CRYBG1: variants seen among roughly 807,000 people sequenced by gnomAD.
CRYBG1 encodes the protein crystallin beta-gamma domain containing 1.
Under a neutral mutation model 189.2 loss-of-function variants are expected in CRYBG1, and 139 were observed. That is an observed-to-expected ratio of 0.73 (90% CI 0.64 to 0.85). The LOEUF is 0.85. Among genes scored for constraint, CRYBG1 ranks in the 40% least tolerant of loss-of-function variants. The pLI, the probability that CRYBG1 is intolerant of heterozygous loss-of-function variation, is 0.00. For missense variants in CRYBG1, 2,611 were observed against 2,675.8 expected, an observed-to-expected ratio of 0.98 and a Z score of 0.53; for synonymous variants, 1,023 against 1,017.1, an observed-to-expected ratio of 1.01 and a Z score of -0.11.
chr6:106,431,988 T>G (rs1771333966), intron 1 of CRYBG1, among the ~76,000 whole-genome samples: 1 of 152,160 alleles, frequency 6.6e-6, no homozygotes, highest in Admixed American at 6.5e-5. Context: ...AGATTATAAG[T>G]GCTTGTGGGT....
At chr6:106,498,191 T>TA (rs534309422) in intron 2 of CRYBG1, among the ~76,000 whole-genome samples, 232 of 151,834 alleles carry the variant, frequency 1.5e-3, no homozygotes, top group Admixed American at 6.6e-3. Flanking sequence ...TCAATGCCAT[T>TA]AGAAACCAAA....
At chr6:106,492,742 AC>A (rs1772753695) in intron 2 of CRYBG1, among the ~76,000 whole-genome samples, 1 of 152,168 alleles carries the variant, frequency 6.6e-6, no homozygotes, top group South Asian at 2.1e-4. Flanking sequence ...TATTGTCTTC[AC>A]ATATCCATCC....
intron 2 of CRYBG1, among the ~76,000 whole-genome samples, chr6:106,455,307 TAA>T (rs1312696792): frequency 6.6e-6 from 1 of 152,116 alleles, no homozygotes; most frequent in Admixed American, 6.5e-5. Flanking sequence ...TCTTTGCATA[TAA>T]GAGTGAATTA....
At chr6:106,536,753 G>C (rs868052186) in intron 8 of CRYBG1, among the ~76,000 whole-genome samples, 1 of 152,226 alleles carries the variant, frequency 6.6e-6, no homozygotes, top group South Asian at 2.1e-4. Flanking sequence ...TGTTAAGTAC[G>C]ACAATAAAGT....
In CRYBG1 at chr6:106,513,036, C is replaced by T. The variant is rs779714593; in HGVS notation, c.1919C>T (p.Thr640Ile). 3.1e-6 allele frequency: 5 copies of T among 1,600,532 alleles called. No homozygotes were observed. The Admixed American group carries it at 6.7e-5, about 21-fold the overall frequency. Residue 640 changes from threonine (T) to isoleucine (I), a missense_variant, in exon 3 of 22, where the codon ACC becomes ATC. By Grantham distance (89) the Thr-to-Ile change is moderately conservative. Coordinates refer to ENST00000633556, the MANE Select transcript of CRYBG1 (RefSeq NM_001371242.2). ...AGGTCGACAGTGACCACTAAAGTGA[C>T]CCTGTAAGTAGCCGCGCAAGTCCCG... ...VGRSTVTTKV[T>I]LPAKPKHVEL...
intron 9 of CRYBG1, chr6:106,541,210 A>T (rs1483804384): frequency 2.1e-6 from 1 of 480,902 alleles, no homozygotes; most frequent in Admixed American, 2.3e-5. Flanking sequence ...TGAGGGCAGG[A>T]TCGTTAAATG....
intron 2 of CRYBG1, among the ~76,000 whole-genome samples, chr6:106,469,214 CCTCACAGAACT>C (rs1772174463): frequency 6.6e-6 from 1 of 152,218 alleles, no homozygotes; most frequent in South Asian, 2.1e-4. Flanking sequence ...TTGCCCCTGT[CCTCACAGAACT>C]GATTCCTTCT....
intron 21 of CRYBG1, among the ~76,000 whole-genome samples, chr6:106,564,359 G>C: frequency 6.6e-6 from 1 of 152,216 alleles, no homozygotes; most frequent in African/African-American, 2.4e-5. Context: ...CGGTAGAGTT[G>C]ATGATTCTCA....
chr6:106,374,219 G>T (rs1770102456), intron 1 of CRYBG1, among the ~76,000 whole-genome samples: 1 of 152,004 alleles, frequency 6.6e-6, no homozygotes, highest in Non-Finnish European at 1.5e-5. Context: ...ATGATAAAAA[G>T]TTGCTACACT....
At chr6:106,524,197 T>C (rs1213181806) in intron 4 of CRYBG1, among the ~76,000 whole-genome samples, 1 of 152,240 alleles carries the variant, frequency 6.6e-6, no homozygotes, top group East Asian at 1.9e-4. Flanking sequence ...TTTCTGGTTT[T>C]ACTGGTCTTG....
chr6:106,385,058 T>C (rs76901191), intron 1 of CRYBG1, among the ~76,000 whole-genome samples: 18,069 of 152,016 alleles, frequency 0.12, 1,190 homozygotes, highest in African/African-American at 0.16. Flanking sequence ...ATTGAGCAGG[T>C]TGAATATGTC....
intron 1 of CRYBG1, among the ~76,000 whole-genome samples, chr6:106,449,652 C>T (rs78169229): frequency 0.013 from 1,996 of 152,306 alleles, 25 homozygotes; most frequent in South Asian, 0.042. Flanking sequence ...GACAGCATTT[C>T]AACTTTAAGG....
At chr6:106,411,760 G>C (rs1260390901) in intron 1 of CRYBG1, among the ~76,000 whole-genome samples, 1 of 152,138 alleles carries the variant, frequency 6.6e-6, no homozygotes, top group Non-Finnish European at 1.5e-5. Flanking sequence ...CAAGAGTGCA[G>C]CCTTCAGTCT....
chr6:106,567,935 G>T (rs552486074), intron 21 of CRYBG1, among the ~76,000 whole-genome samples: 1 of 152,240 alleles, frequency 6.6e-6, no homozygotes, highest in East Asian at 1.9e-4. Context: ...GTCCCCTTAT[G>T]TACTTCCGGG....
chr6:106,508,255 G>A (rs1195579063), intron 2 of CRYBG1, among the ~76,000 whole-genome samples: 3 of 152,172 alleles, frequency 2.0e-5, no homozygotes, highest in Non-Finnish European at 4.4e-5. Flanking sequence ...GTGCACCCAA[G>A]ACAGATGGAT....
intron 2 of CRYBG1, among the ~76,000 whole-genome samples, chr6:106,479,446 T>G (rs367954895): frequency 2.0e-5 from 3 of 152,206 alleles, no homozygotes; most frequent in East Asian, 1.9e-4. Flanking sequence ...GACACAAACA[T>G]TAGCTCATAA....
At chr6:106,377,645 A>ATATATATATATT (rs1562290483) in intron 1 of CRYBG1, among the ~76,000 whole-genome samples, 1 of 136,848 alleles carries the variant, frequency 7.3e-6, no homozygotes, top group African/African-American at 2.7e-5. Context: ...ATATATATAT[A>ATATATATATATT]TATTTTCATT....
intron 1 of CRYBG1, among the ~76,000 whole-genome samples, chr6:106,437,809 C>T (rs759849246): frequency 6.6e-5 from 10 of 152,208 alleles, no homozygotes; most frequent in South Asian, 2.1e-4. Flanking sequence ...TGCCATAATA[C>T]GCTCCTAATC....
chr6:106,421,942 G>A (rs1771130104), intron 1 of CRYBG1, among the ~76,000 whole-genome samples: 1 of 148,268 alleles, frequency 6.7e-6, no homozygotes, highest in Non-Finnish European at 1.5e-5. Flanking sequence ...CAGATTTCCT[G>A]AGACCCATTC....
Sources: gnomAD v4.1 joint callset for allele counts (sites outside exome capture counted in the v4.1 genomes callset) on GRCh38, gnomAD v4.1.1 for gene constraint, MANE v1.5 for transcripts, NCBI Gene and HGNC (gene_info 2026-07-23, HGNC 2026-07-21) for gene names.